Variants in GDAP1 observed in about 807,000 individuals in gnomAD.
GDAP1 encodes ganglioside-induced differentiation-associated protein 1.
Under a neutral mutation model 40.1 loss-of-function variants are expected in GDAP1, and 34 were observed. That is an observed-to-expected ratio of 0.85 (90% CI 0.64 to 1.13). The LOEUF (loss-of-function observed/expected upper bound fraction) is 1.13. GDAP1 is among the 50% of genes most tolerant of loss of function. The probability of loss-of-function intolerance (pLI) is 0.00; values close to 1 mark genes in which losing one functional copy is unlikely to be tolerated. For missense variants in GDAP1, 374 were observed against 433.7 expected (o/e 0.86, Z 1.22); for synonymous variants, 170 against 157.4 (o/e 1.08, Z -0.60).
chr8:74,356,918 T>C (rs1351709778), intron 2 of GDAP1, among the ~76,000 whole-genome samples: 2 of 151,986 alleles, frequency 1.3e-5, no homozygotes, highest in Non-Finnish European at 2.9e-5. Flanking sequence ...TTTCACCATG[T>C]TGGCCGGGAT....
At chr8:74,385,316 A>G (rs1810010123) in intron 2 of GDAP1, among the ~76,000 whole-genome samples, 1 of 152,020 alleles carries the variant, frequency 6.6e-6, no homozygotes, top group Non-Finnish European at 1.5e-5. Flanking sequence ...TCCTAATGCT[A>G]TCCGTCCCCT....
chr8:74,448,139 C>T (rs1806255535), intron 2 of GDAP1, among the ~76,000 whole-genome samples: 1 of 152,100 alleles, frequency 6.6e-6, no homozygotes, highest in Admixed American at 6.5e-5. Flanking sequence ...AGAACCATTC[C>T]TTCACCTTAG....
Position 74,364,228 on chromosome 8 carries a change from A to G in GDAP1, c.938A>G (p.Lys313Arg), listed in dbSNP as rs1403905341. The change falls in exon 6 of 6, where the codon AAG (lysine) becomes AGG (arginine). Residue 313 changes from lysine to arginine, a missense_variant. By Grantham distance (26) the Lys-to-Arg change is conservative. Coordinates refer to ENST00000220822, the MANE Select transcript of GDAP1 (RefSeq NM_018972.4). ...CTGCCAACAGCATTCCGGGTGGCCAAGAAAAGGGCCCCAAAAGTTCTTGGC... is the reference window on the plus strand; with the variant it reads ...CTGCCAACAGCATTCCGGGTGGCCAGGAAAAGGGCCCCAAAAGTTCTTGGC... ...AVLPTAFRVA[K>R]KRAPKVLGTT... 1.2e-6 allele frequency: 2 copies of G among 1,614,120 alleles called. No homozygotes were observed. Among genetic ancestry groups the G allele is most frequent in the African/African-American group, 2.7e-5 (2 of 74,948 alleles).
chr8:74,478,522 C>T (rs909500083), intron 2 of GDAP1, among the ~76,000 whole-genome samples: 2 of 152,084 alleles, frequency 1.3e-5, no homozygotes, highest in Non-Finnish European at 2.9e-5. Flanking sequence ...GCAGGCATGG[C>T]CAAGCTGGGG....
intron 2 of GDAP1, among the ~76,000 whole-genome samples, chr8:74,467,990 T>C (rs1806495039): frequency 6.6e-6 from 1 of 152,180 alleles, no homozygotes; most frequent in Non-Finnish European, 1.5e-5. Flanking sequence ...TTTTTTCAGA[T>C]GCATACCTAG....
chr8:74,353,331 A>G (rs1400027411), intron 2 of GDAP1, among the ~76,000 whole-genome samples: 2 of 152,172 alleles, frequency 1.3e-5, no homozygotes, highest in Non-Finnish European at 2.9e-5. Flanking sequence ...GCTGCCACTA[A>G]CTTGTTGAAT....
chr8:74,361,617 G>A lies in GDAP1; in HGVS notation c.485-267G>A, dbSNP rs935672194. ...TCACCACGTTGGCCAAGATGGTCTC[G>A]ATCTCTTGACCTCCTGATCCTCCCG... On this transcript the variant is annotated intron_variant, in intron 3 of 5. Transcript: ENST00000220822. 3.1e-4 allele frequency among the ~76,000 whole-genome samples: 47 copies of A among 152,058 alleles called. 2 individuals are homozygous for A. The highest frequency in any genetic ancestry group is 1.3e-4 in the Admixed American group (2 of 15,268).
chr8:74,378,584 A>G (rs1039809216), intron 2 of GDAP1, among the ~76,000 whole-genome samples: 2 of 152,182 alleles, frequency 1.3e-5, no homozygotes, highest in African/African-American at 4.8e-5. Context: ...AGATACTGCC[A>G]TCAAACTAGC....
downstream of GDAP1, among the ~76,000 whole-genome samples, chr8:74,367,323 C>G (rs745730121): frequency 6.6e-6 from 1 of 152,092 alleles, no homozygotes; most frequent in Non-Finnish European, 1.5e-5. Flanking sequence ...ATTGAAATTA[C>G]CTTCTACATT....
chr8:74,446,450 G>C (rs1806228317), intron 2 of GDAP1, among the ~76,000 whole-genome samples: 1 of 152,094 alleles, frequency 6.6e-6, no homozygotes, highest in African/African-American at 2.4e-5. Context: ...AGCATCCCTT[G>C]CTCAGACCAT....
rs113862472 is a variant in GDAP1 at position 74,384,441 on chromosome 8, G to A, written c.165+33120G>A. On this transcript the variant is annotated intron_variant, in intron 2 of 2. Transcript: ENST00000523640. Reference sequence around the variant, plus strand: ...GGAAGTCATGTTTTCCCTATGAATGGAACTTAAACCCCAATTGTTCAACTC... The same window carrying A: ...GGAAGTCATGTTTTCCCTATGAATGAAACTTAAACCCCAATTGTTCAACTC... Among the ~76,000 whole-genome samples, 827 of 152,128 alleles carry A rather than the reference G, an allele frequency of 5.4e-3. 7 individuals carry two copies. The highest frequency in any genetic ancestry group is 0.019 in the African/African-American group (795 of 41,520).
chr8:74,435,326 A>G lies in GDAP1; in HGVS notation c.166-53352A>G, dbSNP rs1204273639. 2.0e-5 allele frequency among the ~76,000 whole-genome samples: 3 copies of G among 152,232 alleles called. No homozygotes were observed. In the East Asian group the frequency reaches 5.8e-4, roughly 29 times the overall value. On this transcript the variant is annotated intron_variant, in intron 2 of 2. Coordinates refer to the GDAP1 transcript ENST00000523640. ...AAAGGTAGACTAACCCTCAAGAGCC[A>G]TACCTGCTATTTTCAGAGAGCTAGA...
chr8:74,487,752 C>G (rs1806794112), intron 2 of GDAP1, among the ~76,000 whole-genome samples: 1 of 152,076 alleles, frequency 6.6e-6, no homozygotes, highest in Non-Finnish European at 1.5e-5. Context: ...ATATTTGCCT[C>G]TTTAACTTAA....
At chr8:74,412,848 G>A (rs1309999916) in intron 2 of GDAP1, among the ~76,000 whole-genome samples, 1 of 148,550 alleles carries the variant, frequency 6.7e-6, no homozygotes, top group African/African-American at 2.6e-5. Context: ...CACAAGGTGA[G>A]GAGATTGAGA....
At chr8:74,431,212 T>C (rs1806020927) in intron 2 of GDAP1, among the ~76,000 whole-genome samples, 1 of 150,726 alleles carries the variant, frequency 6.6e-6, no homozygotes, top group African/African-American at 2.4e-5. Context: ...TAATTGGAAA[T>C]GTGAACATAG....
At chr8:74,476,565 G>A (rs1165670778) in intron 2 of GDAP1, among the ~76,000 whole-genome samples, 1 of 152,274 alleles carries the variant, frequency 6.6e-6, no homozygotes, top group South Asian at 2.1e-4. Flanking sequence ...GGATATGAAA[G>A]CTGTGGTTGG....
chr8:74,471,058 G>A (rs527951503), intron 2 of GDAP1, among the ~76,000 whole-genome samples: 28 of 152,166 alleles, frequency 1.8e-4, no homozygotes, highest in Admixed American at 1.4e-3. Flanking sequence ...TCTTTTGAGA[G>A]GTGTCTGTTC....
intron 2 of GDAP1, among the ~76,000 whole-genome samples, chr8:74,426,712 A>G (rs569735509): frequency 1.6e-3 from 249 of 152,266 alleles, no homozygotes; most frequent in Non-Finnish European, 1.9e-3. Flanking sequence ...TACATCTATG[A>G]CATTGTTTTT....
intron 2 of GDAP1, among the ~76,000 whole-genome samples, chr8:74,383,417 C>T (rs1809982460): frequency 6.6e-6 from 1 of 152,190 alleles, no homozygotes; most frequent in Non-Finnish European, 1.5e-5. Context: ...GTTAAAAGCT[C>T]ATCTCTAGAA....
Sources: allele counts gnomAD v4.1 joint callset (sites outside exome capture counted in the v4.1 genomes callset), GRCh38; gene constraint gnomAD v4.1.1; transcripts MANE v1.5; gene names NCBI Gene and HGNC (gene_info 2026-07-23, HGNC 2026-07-21).